The following CNTNAP2 variants were observed in gnomAD, a reference collection of about 807,000 sequenced individuals.
CNTNAP2 encodes contactin-associated protein-like 2.
Under a neutral mutation model 155.2 loss-of-function variants are expected in CNTNAP2, and 98 were observed. That is an observed-to-expected ratio of 0.63 (90% CI 0.54 to 0.75). CNTNAP2 has a LOEUF of 0.75. CNTNAP2 is among the 30% of genes least tolerant of loss of function. The pLI is 0.00. For missense variants in CNTNAP2, 1,727 were observed against 1,688.1 expected, an observed-to-expected ratio of 1.02 and a Z score of -0.40; for synonymous variants, 651 against 631.2, an observed-to-expected ratio of 1.03 and a Z score of -0.47.
intron 9 of CNTNAP2, among the ~76,000 whole-genome samples, chr7:147,317,897 T>G (rs555944535): frequency 6.6e-6 from 1 of 152,116 alleles, no homozygotes; most frequent in African/African-American, 2.4e-5. Context: ...CTTAACTTTC[T>G]GCTTTCTACG....
chr7:147,675,830 G>C (rs986979695), intron 13 of CNTNAP2, among the ~76,000 whole-genome samples: 2 of 151,998 alleles, frequency 1.3e-5, no homozygotes, highest in African/African-American at 4.8e-5. Context: ...AGGCAAAACT[G>C]AGTGAAAAAC....
intron 22 of CNTNAP2, among the ~76,000 whole-genome samples, chr7:148,398,507 T>C (rs926110983): frequency 6.6e-6 from 1 of 152,246 alleles, no homozygotes; most frequent in African/African-American, 2.4e-5. Context: ...ATCAATAATA[T>C]TCAGCCATTT....
At chr7:146,907,685 G>C (rs1796167430) in intron 3 of CNTNAP2, among the ~76,000 whole-genome samples, 1 of 150,482 alleles carries the variant, frequency 6.6e-6, no homozygotes, top group African/African-American at 2.4e-5. Flanking sequence ...GGTACCAGCT[G>C]CTGCAAAATC....
chr7:146,722,632 T>C (rs2129177832), intron 1 of CNTNAP2, among the ~76,000 whole-genome samples: 1 of 152,164 alleles, frequency 6.6e-6, no homozygotes, highest in South Asian at 2.1e-4. Flanking sequence ...AGTGACATTG[T>C]TAGAAAACAC....
chr7:146,846,665 C>G (rs1221933458), intron 3 of CNTNAP2, among the ~76,000 whole-genome samples: 1 of 152,004 alleles, frequency 6.6e-6, no homozygotes, highest in Non-Finnish European at 1.5e-5. Flanking sequence ...ATTTCTGAGA[C>G]TCAATATTGT....
At chr7:147,243,248 G>A (rs1367414645) in intron 8 of CNTNAP2, among the ~76,000 whole-genome samples, 1 of 151,792 alleles carries the variant, frequency 6.6e-6, no homozygotes, top group Non-Finnish European at 1.5e-5. Flanking sequence ...CACCTGCCCT[G>A]GACTCCCAAA....
Position 147,583,503 on chromosome 7 carries a change from CATATATATATAT to C in CNTNAP2, c.1897+21264_1897+21275del, listed in dbSNP as rs71183019. Among the ~76,000 whole-genome samples, 197 of 129,148 alleles carry C rather than the reference CATATATATATAT, an allele frequency of 1.5e-3. 3 individuals carry two copies. Among genetic ancestry groups the C allele is most frequent in the African/African-American group, 5.0e-3 (165 of 33,210 alleles). The allele number at this position is 129,148 out of a possible 152,430, so 84.7% of individuals were successfully genotyped here. A position where few individuals can be genotyped will look rare whatever the true frequency, so the allele number is the denominator to read the frequency against. On this transcript the variant is annotated intron_variant, in intron 12 of 23. Transcript: ENST00000361727. ...TTATATATATATATAAAAGACATGA[CATATATATATAT>C]ATATATATATATATATAATGTCAAA...
chr7:148,071,645 G>A (rs1803385771), intron 15 of CNTNAP2, among the ~76,000 whole-genome samples: 1 of 152,186 alleles, frequency 6.6e-6, no homozygotes, highest in South Asian at 2.1e-4. Flanking sequence ...TTGCCATTCA[G>A]TATCATTGGC....
chr7:148,374,119 G>A (rs1463923240), intron 21 of CNTNAP2, among the ~76,000 whole-genome samples: 1 of 152,084 alleles, frequency 6.6e-6, no homozygotes, highest in Non-Finnish European at 1.5e-5. Context: ...TGGCCCTGGG[G>A]AAACCATCGC....
At chr7:146,840,144 C>T (rs1451374209) in intron 3 of CNTNAP2, among the ~76,000 whole-genome samples, 7 of 151,986 alleles carry the variant, frequency 4.6e-5, no homozygotes, top group Admixed American at 3.3e-4. Context: ...TTTTAAAGCA[C>T]GTAGATGAAA....
chr7:146,947,507 GATAT>G (rs1166318565), intron 3 of CNTNAP2, among the ~76,000 whole-genome samples: 3 of 106,184 alleles, frequency 2.8e-5, no homozygotes, highest in Admixed American at 1.1e-4. Context: ...TATCTTTCTA[GATAT>G]ATATAGTGTG....
chr7:147,466,400 A>C (rs1798120172), intron 10 of CNTNAP2, among the ~76,000 whole-genome samples: 1 of 152,028 alleles, frequency 6.6e-6, no homozygotes, highest in Admixed American at 6.6e-5. Flanking sequence ...GGAAAATTAG[A>C]GTGATGTTTT....
chr7:148,060,351 A>G (rs1803107035), intron 15 of CNTNAP2, among the ~76,000 whole-genome samples: 2 of 152,156 alleles, frequency 1.3e-5, no homozygotes, highest in South Asian at 4.1e-4. Flanking sequence ...ATATATATGT[A>G]TATTTACATA....
chr7:147,154,870 T>C (rs1438009791), intron 8 of CNTNAP2, among the ~76,000 whole-genome samples: 43 of 151,902 alleles, frequency 2.8e-4, no homozygotes, highest in Admixed American at 2.8e-3. Flanking sequence ...AAACATATAG[T>C]TAGATTATGT....
intron 20 of CNTNAP2, among the ~76,000 whole-genome samples, chr7:148,265,699 A>G (rs768081017): frequency 6.6e-6 from 1 of 152,192 alleles, no homozygotes; most frequent in Non-Finnish European, 1.5e-5. Flanking sequence ...AATACTACTC[A>G]TGCACAAAAA....
rs566430867 is a variant in CNTNAP2 at position 147,172,370 on chromosome 7, TG to T, written c.1348+39862del. ...GTAGGGCAATATTGAATTGGTTGAC[TG>T]AATGATAATTATGGAATAATGCATT... On this transcript the variant is annotated intron_variant, in intron 8 of 23. Coordinates refer to ENST00000361727, the MANE Select transcript of CNTNAP2 (RefSeq NM_014141.6). Among the ~76,000 whole-genome samples the T allele has an allele frequency of 3.8e-3, 581 of 152,330 alleles. 7 individuals carry two copies. The highest frequency in any genetic ancestry group is 0.013 in the African/African-American group (556 of 41,574).
intron 14 of CNTNAP2, among the ~76,000 whole-genome samples, chr7:147,959,702 G>C (rs1801083229): frequency 6.6e-6 from 1 of 152,092 alleles, no homozygotes; most frequent in Admixed American, 6.5e-5. Context: ...CCATGGGAAG[G>C]GGTGGTAACC....
At chr7:147,199,182 G>C (rs1802870922) in intron 8 of CNTNAP2, among the ~76,000 whole-genome samples, 1 of 151,866 alleles carries the variant, frequency 6.6e-6, no homozygotes. Flanking sequence ...GGCTGGTCTT[G>C]AACCACTGAG....
chr7:148,139,176 A>G (rs1805013594), intron 16 of CNTNAP2, among the ~76,000 whole-genome samples: 1 of 152,238 alleles, frequency 6.6e-6, no homozygotes. Context: ...CCTAAGCTCC[A>G]GGCATTTCCT....
Sources: gnomAD v4.1 joint callset for allele counts (sites outside exome capture counted in the v4.1 genomes callset) on GRCh38, gnomAD v4.1.1 for gene constraint, MANE v1.5 for transcripts, NCBI Gene and HGNC (gene_info 2026-07-23, HGNC 2026-07-21) for gene names.